ALDH1A1: variants seen among roughly 807,000 people sequenced by gnomAD.
ALDH1A1 encodes aldehyde dehydrogenase 1A1.
Under a neutral mutation model 62.1 loss-of-function variants are expected in ALDH1A1, and 19 were observed. The observed-to-expected ratio is 0.31, with a 90% CI of 0.21 to 0.45. The LOEUF is 0.45. ALDH1A1 is among the 20% of genes least tolerant of loss of function. ALDH1A1 has a pLI of 1.00. For missense variants in ALDH1A1, 521 were observed against 607.1 expected (o/e 0.86, Z 1.49); for synonymous variants, 231 against 215.9 (o/e 1.07, Z -0.61).
At chr9:72,914,567 A>AT (rs1229123270) in intron 9 of ALDH1A1, among the ~76,000 whole-genome samples, 1 of 152,258 alleles carries the variant, frequency 6.6e-6, no homozygotes. Flanking sequence ...CTCTGTGATA[A>AT]TTTTAGTATC....
At chr9:72,911,696 T>C (rs919642654) in intron 10 of ALDH1A1, among the ~76,000 whole-genome samples, 13 of 152,206 alleles carry the variant, frequency 8.5e-5, no homozygotes, top group African/African-American at 3.1e-4. Context: ...TCCATTGTTT[T>C]AAAGCTGTGA....
chr9:72,917,698 A>G (rs1228891275), intron 8 of ALDH1A1, among the ~76,000 whole-genome samples: 1 of 151,072 alleles, frequency 6.6e-6, no homozygotes, highest in Non-Finnish European at 1.5e-5. Context: ...GTATTATTTC[A>G]TATGTGCCTA....
chr9:72,935,930 T>G (rs949965543), intron 2 of ALDH1A1, among the ~76,000 whole-genome samples: 1 of 152,168 alleles, frequency 6.6e-6, no homozygotes, highest in Non-Finnish European at 1.5e-5. Flanking sequence ...TCGGCAAAAT[T>G]GTGGGAAGAG....
chr9:72,918,018 A>G (rs563138349), intron 8 of ALDH1A1, among the ~76,000 whole-genome samples: 9 of 152,246 alleles, frequency 5.9e-5, no homozygotes, highest in Non-Finnish European at 1.0e-4. Flanking sequence ...ACAGCAACAT[A>G]GGCTAATTCC....
At chr9:72,925,023 T>A (rs1450241790) in intron 6 of ALDH1A1, among the ~76,000 whole-genome samples, 1 of 152,170 alleles carries the variant, frequency 6.6e-6, no homozygotes, top group Admixed American at 6.5e-5. Context: ...ATGAGTAGAT[T>A]GAAAAGTGTT....
At chr9:72,924,372 A>G (rs1237218017) in intron 6 of ALDH1A1, among the ~76,000 whole-genome samples, 1 of 152,204 alleles carries the variant, frequency 6.6e-6, no homozygotes, top group African/African-American at 2.4e-5. Context: ...ATACTCTATG[A>G]ATCATTGCTC....
intron 6 of ALDH1A1, among the ~76,000 whole-genome samples, chr9:72,924,524 A>C (rs1009379202): frequency 6.6e-6 from 1 of 152,196 alleles, no homozygotes; most frequent in Non-Finnish European, 1.5e-5. Flanking sequence ...GGGATCTAAC[A>C]TTTTTTAGTT....
chr9:72,932,322 A>G (rs1676470125), intron 2 of ALDH1A1, among the ~76,000 whole-genome samples: 1 of 152,200 alleles, frequency 6.6e-6, no homozygotes, highest in South Asian at 2.1e-4. Flanking sequence ...CTAAGGAGAT[A>G]TCTTCCCCTC....
At position 72,929,780 on chromosome 9, in the gene ALDH1A1, C is replaced by G. The variant is rs559328362; in HGVS notation, c.313-759G>C. Among the ~76,000 whole-genome samples the G allele has an allele frequency of 3.9e-5, 6 of 152,292 alleles. No individual in the cohort carries two copies. The East Asian group carries it at 1.2e-3, about 29-fold the overall frequency. On this transcript the variant is annotated intron_variant, in intron 3 of 12. Coordinates refer to ENST00000297785, the MANE Select transcript of ALDH1A1 (RefSeq NM_000689.5). ...AAGCTATTTGTTTCTGTACTACACT[C>G]TCTATCATGTCAAAATTTAACCAAA...
At chr9:72,945,795 T>A (rs1355517624) in intron 1 of ALDH1A1, among the ~76,000 whole-genome samples, 1 of 151,702 alleles carries the variant, frequency 6.6e-6, no homozygotes, top group Non-Finnish European at 1.5e-5. Flanking sequence ...AGACTCAAAG[T>A]TAGAAAATGT....
intron 2 of ALDH1A1, among the ~76,000 whole-genome samples, chr9:72,933,669 A>C (rs1191277954): frequency 6.6e-6 from 1 of 151,964 alleles, no homozygotes; most frequent in Non-Finnish European, 1.5e-5. Flanking sequence ...ACAGGGTTGT[A>C]ATGAAGATTA....
At chr9:72,917,210 T>A in intron 8 of ALDH1A1, 106 bp from the exon 9 acceptor site, 1 of 889,488 alleles carries the variant, frequency 1.1e-6, no homozygotes, top group Non-Finnish European at 1.5e-6. Context: ...AGTTGTGTAG[T>A]CAGACATGGG....
At chr9:72,944,168 T>G (rs1830447799) in intron 1 of ALDH1A1, among the ~76,000 whole-genome samples, 1 of 152,088 alleles carries the variant, frequency 6.6e-6, no homozygotes, top group African/African-American at 2.4e-5. Context: ...AATGGATGTT[T>G]AGGAATACTG....
intron 1 of ALDH1A1, among the ~76,000 whole-genome samples, chr9:72,949,662 T>C (rs56021167): frequency 0.46 from 62,553 of 135,024 alleles, 15,586 homozygotes; most frequent in Non-Finnish European, 0.58. Context: ...TGTGTGTGTG[T>C]GCGTGTGTGT....
chr9:72,951,735 C>T (rs1173511327), intron 1 of ALDH1A1, among the ~76,000 whole-genome samples: 1 of 152,020 alleles, frequency 6.6e-6, no homozygotes, highest in South Asian at 2.1e-4. Flanking sequence ...ATTTTTCATG[C>T]TACCATTTGT....
chr9:72,901,968 C>T (rs1829808650), intron 12 of ALDH1A1, among the ~76,000 whole-genome samples: 1 of 151,926 alleles, frequency 6.6e-6, no homozygotes, highest in African/African-American at 2.4e-5. Context: ...TTATTTAAAA[C>T]TTTTAAATTG....
intron 2 of ALDH1A1, among the ~76,000 whole-genome samples, chr9:72,931,456 C>T (rs1830281855): frequency 6.6e-6 from 1 of 152,184 alleles, no homozygotes; most frequent in African/African-American, 2.4e-5. Flanking sequence ...AGTGGCTGAA[C>T]TGAGTTTTAA....
intron 1 of ALDH1A1, among the ~76,000 whole-genome samples, chr9:72,941,543 C>A (rs1382429793): frequency 6.6e-6 from 1 of 152,086 alleles, no homozygotes; most frequent in Non-Finnish European, 1.5e-5. Context: ...TAAGTGTCTG[C>A]CTTCCATCAA....
chr9:72,924,178 A>C (rs745753947), intron 6 of ALDH1A1, 46 bp from the exon 7 acceptor site: 1 of 1,389,434 alleles, frequency 7.2e-7, no homozygotes, highest in South Asian at 1.2e-5. Flanking sequence ...AATTTAATTC[A>C]AAAAGGAGGA....
Sources: gnomAD v4.1 joint callset for allele counts (sites outside exome capture counted in the v4.1 genomes callset) on GRCh38, gnomAD v4.1.1 for gene constraint, MANE v1.5 for transcripts, NCBI Gene and HGNC (gene_info 2026-07-23, HGNC 2026-07-21) for gene names.